CSMD2: variants seen among roughly 807,000 people sequenced by gnomAD.
CSMD2 encodes CUB and sushi domain-containing protein 2.
A neutral mutation model predicts 398.5 loss-of-function variants in CSMD2; 130 were observed. The ratio of observed to expected loss-of-function variants is 0.33; its 90% CI spans 0.28 to 0.38. The LOEUF is 0.38. Among genes scored for constraint, CSMD2 ranks in the 10% least tolerant of loss-of-function variants. The pLI, the probability that CSMD2 is intolerant of heterozygous loss-of-function variation, is 1.00. For missense variants in CSMD2, 3,829 were observed against 4,764.9 expected, an observed-to-expected ratio of 0.80 and a Z score of 5.78; for synonymous variants, 1,828 against 1,908.5, an observed-to-expected ratio of 0.96 and a Z score of 1.10.
At chr1:34,094,326 G>C (rs189185832) in intron 1 of CSMD2, among the ~76,000 whole-genome samples, 1 of 151,916 alleles carries the variant, frequency 6.6e-6, no homozygotes, top group African/African-American at 2.4e-5. Context: ...AACGACCATC[G>C]AGACTAGGAA....
At chr1:33,917,023 T>C (rs1057044500) in intron 5 of CSMD2, among the ~76,000 whole-genome samples, 1 of 152,062 alleles carries the variant, frequency 6.6e-6, no homozygotes, top group African/African-American at 2.4e-5. Context: ...ACACCCACTT[T>C]CTGCTCCGCT....
chr1:34,056,185 C>T (rs1376973283), intron 2 of CSMD2, among the ~76,000 whole-genome samples: 2 of 152,192 alleles, frequency 1.3e-5, no homozygotes, highest in Non-Finnish European at 2.9e-5. Flanking sequence ...CTCCCAACTC[C>T]CATTTCTTCT....
intron 33 of CSMD2, 39 bp from the exon 34 acceptor site, chr1:33,625,293 T>G: frequency 6.4e-7 from 1 of 1,567,058 alleles, no homozygotes; most frequent in Non-Finnish European, 8.7e-7. Flanking sequence ...GCCTCACCCC[T>G]CAGAAACTGG....
At chr1:34,067,619 C>G (rs147165453) in intron 2 of CSMD2, among the ~76,000 whole-genome samples, 1 of 152,306 alleles carries the variant, frequency 6.6e-6, no homozygotes, top group Non-Finnish European at 1.5e-5. Context: ...CAGACTGAAT[C>G]TGATTGTGCA....
chr1:34,070,504 T>G (rs1319309173), intron 2 of CSMD2, among the ~76,000 whole-genome samples: 1 of 152,196 alleles, frequency 6.6e-6, no homozygotes, highest in Admixed American at 6.5e-5. Context: ...CTTTCTCCTC[T>G]GCAAAATGGG....
chr1:33,587,025 C>A (rs139766416), intron 45 of CSMD2, 63 bp downstream of exon 45: 49 of 1,348,472 alleles, frequency 3.6e-5, no homozygotes, highest in African/African-American at 3.6e-4. Flanking sequence ...CAGCTCCCCC[C>A]GCCACCTTCC....
chr1:34,157,263 C>T (rs577946245), intron 1 of CSMD2, among the ~76,000 whole-genome samples: 7 of 152,284 alleles, frequency 4.6e-5, no homozygotes, highest in East Asian at 3.9e-4. Context: ...AACTGACCAA[C>T]GTTCACAAAG....
intron 56 of CSMD2, among the ~76,000 whole-genome samples, chr1:33,547,446 T>C (rs1349127814): frequency 6.6e-6 from 1 of 152,250 alleles, no homozygotes; most frequent in Non-Finnish European, 1.5e-5. Context: ...CATGTAACCA[T>C]GTGTGGGCAT....
chr1:33,714,009 C>T (rs1032492928), intron 21 of CSMD2, among the ~76,000 whole-genome samples: 2 of 152,200 alleles, frequency 1.3e-5, no homozygotes, highest in Admixed American at 6.5e-5. Context: ...ACCTTTGTAC[C>T]TTCAGAACCT....
rs1368770235 is a variant in CSMD2 at position 33,847,000 on chromosome 1, T to TG, written c.921-5dup. 2 of 1,604,850 alleles carry TG rather than the reference T, an allele frequency of 1.2e-6. No homozygotes were observed. Among genetic ancestry groups the TG allele is most frequent in the Non-Finnish European group, 1.7e-6 (2 of 1,174,180 alleles). On this transcript the variant is annotated splice_region_variant and splice_polypyrimidine_tract_variant and intron_variant, in intron 5 of 70. Transcript: ENST00000373381. ...TGGGAGGCTGGCTCCGGTGAACCTG[T>TG]GGGAACAGGAAGCAGATGGGCTCAG... is the stretch of plus-strand genomic sequence containing the variant.
intron 1 of CSMD2, among the ~76,000 whole-genome samples, chr1:34,152,304 A>G (rs190090577): frequency 6.6e-6 from 1 of 152,314 alleles, no homozygotes; most frequent in East Asian, 1.9e-4. Context: ...GGCACCAGGT[A>G]GAGGACTTGT....
intron 13 of CSMD2, among the ~76,000 whole-genome samples, chr1:33,747,644 A>T (rs1456923936): frequency 6.6e-6 from 1 of 152,226 alleles, no homozygotes; most frequent in African/African-American, 2.4e-5. Context: ...ATCAGTTATG[A>T]CAATAAATGT....
intron 3 of CSMD2, among the ~76,000 whole-genome samples, chr1:33,999,374 C>T (rs1411108482): frequency 6.6e-6 from 1 of 152,042 alleles, no homozygotes; most frequent in Non-Finnish European, 1.5e-5. Context: ...TAACTAGATA[C>T]TTTTTAAAAA....
chr1:33,894,424 G>A (rs764186132), intron 5 of CSMD2, among the ~76,000 whole-genome samples: 1 of 152,186 alleles, frequency 6.6e-6, no homozygotes, highest in Non-Finnish European at 1.5e-5. Context: ...GGCTGGAAGG[G>A]CTAGGGAGTT....
At chr1:33,941,364 GCACCCTCCA>G (rs1644668091) in intron 3 of CSMD2, among the ~76,000 whole-genome samples, 1 of 152,142 alleles carries the variant, frequency 6.6e-6, no homozygotes, top group Non-Finnish European at 1.5e-5. Flanking sequence ...CTCTGGACAA[GCACCCTCCA>G]TATGTTTTGA....
chr1:33,977,042 G>A (rs1167001650), intron 3 of CSMD2, among the ~76,000 whole-genome samples: 1 of 151,914 alleles, frequency 6.6e-6, no homozygotes, highest in Non-Finnish European at 1.5e-5. Flanking sequence ...GAGGCAGAGA[G>A]GGACAAAAGC....
intron 1 of CSMD2, among the ~76,000 whole-genome samples, chr1:34,091,634 G>C (rs551628551): frequency 1.4e-4 from 21 of 150,724 alleles, no homozygotes; most frequent in African/African-American, 4.9e-4. Context: ...TTAACACGAA[G>C]TATCCCATTA....
At chr1:33,825,151 G>C (rs1407336968) in intron 7 of CSMD2, among the ~76,000 whole-genome samples, 2 of 78,722 alleles carry the variant, frequency 2.5e-5, no homozygotes, top group Admixed American at 1.3e-4. Context: ...CCCAAGAAGA[G>C]AGCCCCCAGT....
chr1:33,724,418 G>A (rs761018437), intron 18 of CSMD2, 98 bp downstream of exon 18: 37 of 1,527,330 alleles, frequency 2.4e-5, no homozygotes, highest in Middle Eastern at 1.8e-4. Flanking sequence ...CCCAACCTTC[G>A]CTGATGGGGT....
Sources: gnomAD v4.1 joint callset for allele counts (sites outside exome capture counted in the v4.1 genomes callset) on GRCh38, gnomAD v4.1.1 for gene constraint, MANE v1.5 for transcripts, NCBI Gene and HGNC (gene_info 2026-07-23, HGNC 2026-07-21) for gene names.